Variants in TMEM117 observed in about 807,000 individuals in gnomAD.
The protein encoded by TMEM117 is transmembrane protein 117.
TMEM117 carries 27 observed loss-of-function variants against 52.4 expected under a neutral mutation model. The ratio of observed to expected loss-of-function variants is 0.51; its 90% confidence interval spans 0.38 to 0.71. The LOEUF (loss-of-function observed/expected upper bound fraction) is 0.71, where lower values mean the gene tolerates loss of function less well. TMEM117 is among the 30% of genes least tolerant of loss of function. The pLI is 0.00. For missense variants in TMEM117, 556 were observed against 630.5 expected, an observed-to-expected ratio of 0.88 and a Z score of 1.26; for synonymous variants, 215 against 206.3, an observed-to-expected ratio of 1.04 and a Z score of -0.36.
intron 2 of TMEM117, among the ~76,000 whole-genome samples, chr12:43,937,256 G>A (rs1339346031): frequency 6.6e-6 from 1 of 152,204 alleles, no homozygotes; most frequent in African/African-American, 2.4e-5. Flanking sequence ...AGGGCTTAGT[G>A]GGAGCTTTGA....
chr12:43,877,666 C>G (rs963525222), intron 2 of TMEM117, among the ~76,000 whole-genome samples: 1 of 150,128 alleles, frequency 6.7e-6, no homozygotes, highest in African/African-American at 2.4e-5. Context: ...TTTGTATAAA[C>G]ATATATGTAA....
intron 3 of TMEM117, among the ~76,000 whole-genome samples, chr12:43,981,815 A>G (rs1945765727): frequency 6.6e-6 from 1 of 152,216 alleles, no homozygotes; most frequent in African/African-American, 2.4e-5. Flanking sequence ...TAGGTATCAT[A>G]GAAGCAGAGA....
intron 5 of TMEM117, among the ~76,000 whole-genome samples, chr12:44,241,739 C>T (rs1172538975): frequency 6.6e-6 from 1 of 151,916 alleles, no homozygotes; most frequent in Non-Finnish European, 1.5e-5. Context: ...AGTAGTCCCA[C>T]AACAATTTGT....
At chr12:44,230,942 AACACACAT>A (rs765337803) in intron 5 of TMEM117, among the ~76,000 whole-genome samples, 14 of 151,968 alleles carry the variant, frequency 9.2e-5, no homozygotes, top group African/African-American at 1.4e-4. Flanking sequence ...TGTGAAATAA[AACACACAT>A]ACACACATAC....
intron 7 of TMEM117, among the ~76,000 whole-genome samples, chr12:44,387,489 G>T (rs1952105210): frequency 6.6e-6 from 1 of 151,986 alleles, no homozygotes; most frequent in Admixed American, 6.6e-5. Flanking sequence ...AATGCTCAAG[G>T]ATTATTGATC....
At chr12:43,892,378 C>T (rs892127872) in intron 2 of TMEM117, among the ~76,000 whole-genome samples, 1 of 152,172 alleles carries the variant, frequency 6.6e-6, no homozygotes, top group Non-Finnish European at 1.5e-5. Flanking sequence ...GTCTTGTGGG[C>T]ACCCTCTGCT....
At chr12:43,910,919 C>T in intron 2 of TMEM117, among the ~76,000 whole-genome samples, 1 of 78,994 alleles carries the variant, frequency 1.3e-5, no homozygotes, top group Non-Finnish European at 3.0e-5. Context: ...GGCCATACTG[C>T]CCAAGGTAAT....
chr12:44,270,456 CA>C (rs1401099481), intron 5 of TMEM117, among the ~76,000 whole-genome samples: 1 of 152,110 alleles, frequency 6.6e-6, no homozygotes, highest in Non-Finnish European at 1.5e-5. Context: ...GATTTGTGTG[CA>C]TTAATTTTGT....
At chr12:44,009,883 TCTA>T (rs1373364042) in intron 3 of TMEM117, 1 of 267,366 alleles carries the variant, frequency 3.7e-6, no homozygotes, top group Non-Finnish European at 7.9e-6. Flanking sequence ...ATTTCCAAGA[TCTA>T]CTCTTTTGGG....
chr12:44,374,027 C>T (rs998143705), intron 6 of TMEM117, among the ~76,000 whole-genome samples: 2 of 151,848 alleles, frequency 1.3e-5, no homozygotes, highest in Non-Finnish European at 2.9e-5. Flanking sequence ...GGTAATCTGC[C>T]CACCTCTGTC....
intron 3 of TMEM117, among the ~76,000 whole-genome samples, chr12:44,136,130 G>C (rs1224780223): frequency 6.6e-6 from 1 of 152,092 alleles, no homozygotes; most frequent in African/African-American, 2.4e-5. Context: ...ATTAAAATGT[G>C]ACTAAATTAA....
intron 4 of TMEM117, among the ~76,000 whole-genome samples, chr12:44,176,651 T>C (rs1464898050): frequency 6.6e-6 from 1 of 152,204 alleles, no homozygotes; most frequent in African/African-American, 2.4e-5. Flanking sequence ...CCATAGAGCC[T>C]GCTTTCAGCT....
intron 3 of TMEM117, among the ~76,000 whole-genome samples, chr12:44,006,155 A>G (rs1465013930): frequency 1.3e-5 from 2 of 152,208 alleles, no homozygotes; most frequent in African/African-American, 4.8e-5. Flanking sequence ...CCACATAATG[A>G]AAATCAGAAA....
intron 4 of TMEM117, among the ~76,000 whole-genome samples, chr12:44,167,980 G>T (rs1948991670): frequency 6.6e-6 from 1 of 152,062 alleles, no homozygotes; most frequent in African/African-American, 2.4e-5. Context: ...ATTTGGCCAG[G>T]CGCGGTGGCT....
chr12:44,345,680 A>G (rs1416238566), intron 6 of TMEM117, among the ~76,000 whole-genome samples: 1 of 152,142 alleles, frequency 6.6e-6, no homozygotes, highest in African/African-American at 2.4e-5. Context: ...AGATTAAGTT[A>G]AAAAGAACGC....
intron 2 of TMEM117, among the ~76,000 whole-genome samples, chr12:43,862,952 C>T (rs543144704): frequency 7.9e-5 from 12 of 151,950 alleles, no homozygotes; most frequent in Non-Finnish European, 1.5e-4. Context: ...GGTGACACTG[C>T]GAGACTCTGT....
intron 4 of TMEM117, among the ~76,000 whole-genome samples, chr12:44,178,969 G>A (rs1286146371): frequency 3.3e-5 from 5 of 152,064 alleles, no homozygotes; most frequent in Non-Finnish European, 7.4e-5. Context: ...CAAGGCGGGC[G>A]GATCACCTGA....
At chr12:43,829,784 C>G in the TMEM117 span, among the ~76,000 whole-genome samples, 1 of 152,088 alleles carries the variant, frequency 6.6e-6, no homozygotes, top group Non-Finnish European at 1.5e-5. Context: ...GAGGAGAAAG[C>G]AAGAGGCAGT....
At chr12:44,216,369 T>C (rs1353692038) in intron 5 of TMEM117, among the ~76,000 whole-genome samples, 1 of 152,142 alleles carries the variant, frequency 6.6e-6, no homozygotes, top group East Asian at 1.9e-4. Flanking sequence ...CCTTGTCATT[T>C]GGATTCCCTG....
Sources: allele counts gnomAD v4.1 joint callset (sites outside exome capture counted in the v4.1 genomes callset), GRCh38; gene constraint gnomAD v4.1.1; transcripts MANE v1.5; gene names NCBI Gene and HGNC (gene_info 2026-07-23, HGNC 2026-07-21).